MIB1: variants seen among roughly 807,000 people sequenced by gnomAD.
The protein encoded by MIB1 is E3 ubiquitin-protein ligase MIB1.
Under a neutral mutation model 124.5 loss-of-function variants are expected in MIB1, and 278 were observed. That is an observed-to-expected ratio of 2.23 (90% CI 2.02 to 2.47). MIB1 has a LOEUF of 2.47. MIB1 is among the 30% of genes most tolerant of loss of function. The pLI is 0.00. For missense variants in MIB1, 957 were observed against 1,254.4 expected, an observed-to-expected ratio of 0.76 and a Z score of 3.58; for synonymous variants, 446 against 429.4, an observed-to-expected ratio of 1.04 and a Z score of -0.48.
chr18:21,740,347 C>G (rs2040830661), upstream of MIB1, among the ~76,000 whole-genome samples: 1 of 152,178 alleles, frequency 6.6e-6, no homozygotes, highest in South Asian at 2.1e-4. Flanking sequence ...AAGTCTTTAC[C>G]GTTGCTCACA....
In MIB1 at chr18:21,731,490, T is replaced by C. The variant is rs2040769586; in HGVS notation, n.167+26367T>C. On this transcript the variant is annotated intron_variant and non_coding_transcript_variant, in intron 1 of 20. Transcript: ENST00000578646. ...GGCTCATGCCTGTAATCCCAGCACA[T>C]TGAGAAGCCGAGGCGGGTGGATCAC... Among the ~76,000 whole-genome samples the C allele has an allele frequency of 2.0e-5, 3 of 152,150 alleles. No individual in the cohort carries two copies. The South Asian group carries it at 6.2e-4, about 32-fold the overall frequency.
rs115487989 is a variant in MIB1, at chr18:21,790,715, G to A, written c.909-659G>A. ...AGTGGGATGGGAATGGTGATCCAGCGTGTTTGTGTGAAATGGAACTTTTAC... is the reference window on the plus strand; with the variant it reads ...AGTGGGATGGGAATGGTGATCCAGCATGTTTGTGTGAAATGGAACTTTTAC... On this transcript the variant is annotated intron_variant, in intron 6 of 20. Transcript: ENST00000261537. Among the ~76,000 whole-genome samples the A allele has an allele frequency of 1.5e-3, 229 of 152,258 alleles. 3 individuals carry two copies. Among genetic ancestry groups the A allele is most frequent in the African/African-American group, 5.2e-3 (218 of 41,550 alleles).
chr18:21,718,189 G>T (rs2146356388), intron 1 of MIB1, among the ~76,000 whole-genome samples: 1 of 152,248 alleles, frequency 6.6e-6, no homozygotes, highest in African/African-American at 2.4e-5. Context: ...GCTAAGCTAT[G>T]AGGATGCAAA....
chr18:21,788,063 C>T (rs1165095372), intron 6 of MIB1, among the ~76,000 whole-genome samples: 3 of 152,086 alleles, frequency 2.0e-5, no homozygotes, highest in Non-Finnish European at 1.5e-5. Context: ...ATATACTCTT[C>T]ATCTATTTAG....
intron 1 of MIB1, among the ~76,000 whole-genome samples, chr18:21,709,027 C>T (rs897441196): frequency 3.3e-5 from 5 of 152,114 alleles, no homozygotes; most frequent in East Asian, 1.9e-4. Flanking sequence ...CTTTAAAAGT[C>T]GTGGCGAGGC....
chr18:21,805,305 G>A (rs1263121244), intron 10 of MIB1, among the ~76,000 whole-genome samples: 4 of 152,014 alleles, frequency 2.6e-5, no homozygotes, highest in African/African-American at 4.8e-5. Flanking sequence ...GAGCCACCGC[G>A]CCTAAGAACT....
intron 1 of MIB1, among the ~76,000 whole-genome samples, chr18:21,708,589 G>A (rs548926576): frequency 6.6e-5 from 10 of 152,232 alleles, no homozygotes; most frequent in South Asian, 2.1e-4. Context: ...CCGGGAAGGC[G>A]GAGATTCCAG....
At chr18:21,710,236 C>G (rs1598577009) in intron 1 of MIB1, among the ~76,000 whole-genome samples, 2 of 151,828 alleles carry the variant, frequency 1.3e-5, no homozygotes, top group Non-Finnish European at 2.9e-5. Context: ...ACTGGGATTA[C>G]AGGCATGCAC....
chr18:21,778,741 A>G (rs187090063), intron 5 of MIB1, among the ~76,000 whole-genome samples: 6 of 152,032 alleles, frequency 3.9e-5, no homozygotes, highest in Non-Finnish European at 5.9e-5. Flanking sequence ...CTTCCAAATC[A>G]TTTGACTTGC....
upstream of MIB1, among the ~76,000 whole-genome samples, chr18:21,737,229 A>G (rs1482713067): frequency 2.0e-5 from 3 of 152,234 alleles, no homozygotes; most frequent in Admixed American, 6.5e-5. Flanking sequence ...GCCAATATTC[A>G]ACATTCTTAA....
chr18:21,863,919 T>A (rs1181014366), intron 20 of MIB1, among the ~76,000 whole-genome samples: 4 of 151,842 alleles, frequency 2.6e-5, no homozygotes, highest in Non-Finnish European at 4.4e-5. Context: ...GGCAGTAGAA[T>A]CACTTGAATC....
At chr18:21,852,035 C>T (rs141209085) in intron 17 of MIB1, among the ~76,000 whole-genome samples, 65 of 152,244 alleles carry the variant, frequency 4.3e-4, no homozygotes, top group African/African-American at 1.5e-3. Context: ...GTATTAGGCA[C>T]TGATTTTATA....
rs77895968 is a variant in MIB1 at position 21,861,073 on chromosome 18, G to C, written c.2880+2427G>C. 1.6e-3 allele frequency among the ~76,000 whole-genome samples: 238 copies of C among 152,106 alleles called. 2 individuals carry two copies. The highest frequency in any genetic ancestry group is 0.013 in the South Asian group (63 of 4,816). On this transcript the variant is annotated intron_variant, in intron 20 of 20. Transcript: ENST00000261537. ...GGTGGAGGGAAAGAATTGAATGTAT[G>C]AATTTATTAGGCATTTAAACCCCCA...
chr18:21,811,308 A>G (rs1252880057), intron 10 of MIB1, among the ~76,000 whole-genome samples: 1 of 152,140 alleles, frequency 6.6e-6, no homozygotes, highest in Non-Finnish European at 1.5e-5. Flanking sequence ...AAAGAATATG[A>G]CAGTTGCACA....
At position 21,779,690 on chromosome 18, in the gene MIB1, G is replaced by C; in HGVS notation, c.908+5G>C. 1.2e-6 allele frequency: 2 copies of C among 1,607,292 alleles called. No homozygotes were observed. The highest frequency in any genetic ancestry group is 1.7e-6 in the Non-Finnish European group (2 of 1,174,048). ...ACAGTATCCAAGTGGCAATAGGTGGGTGATATCTCTCAATTTTTGACAATG... is the reference window on the plus strand; with the variant it reads ...ACAGTATCCAAGTGGCAATAGGTGGCTGATATCTCTCAATTTTTGACAATG... On this transcript the variant is annotated splice_donor_5th_base_variant and intron_variant, in intron 6 of 20. Transcript: ENST00000261537.
chr18:21,781,291 C>T (rs752102238), intron 6 of MIB1, among the ~76,000 whole-genome samples: 4 of 142,786 alleles, frequency 2.8e-5, no homozygotes, highest in Non-Finnish European at 4.5e-5. Context: ...ACCATCAGGC[C>T]CTGGGGCTTT....
chr18:21,710,829 T>A (rs1016030648), intron 1 of MIB1, among the ~76,000 whole-genome samples: 10 of 77,852 alleles, frequency 1.3e-4, no homozygotes, highest in African/African-American at 6.2e-4. Context: ...ATTGACTGAT[T>A]TTTTTTTTTT....
intron 18 of MIB1, chr18:21,854,691 A>C (rs1029189980): frequency 5.0e-6 from 1 of 198,792 alleles, no homozygotes; most frequent in Non-Finnish European, 1.0e-5. Flanking sequence ...TTTCACGACG[A>C]CATTCTGCTC....
intron 10 of MIB1, among the ~76,000 whole-genome samples, chr18:21,805,133 C>T (rs2041689811): frequency 6.6e-6 from 1 of 152,058 alleles, no homozygotes; most frequent in Non-Finnish European, 1.5e-5. Context: ...ATGCCTCAGC[C>T]TCCCCAGTAG....
Sources: allele counts gnomAD v4.1 joint callset (sites outside exome capture counted in the v4.1 genomes callset), GRCh38; gene constraint gnomAD v4.1.1; transcripts MANE v1.5; gene names NCBI Gene and HGNC (gene_info 2026-07-23, HGNC 2026-07-21).